Variants in KCNT2 observed in about 807,000 individuals in gnomAD.
KCNT2 encodes the protein potassium sodium-activated channel subfamily T member 2.
KCNT2 carries 67 observed loss-of-function variants against 153.8 expected under a neutral mutation model. The observed-to-expected ratio is 0.44, with a 90% CI of 0.36 to 0.53. The LOEUF (loss-of-function observed/expected upper bound fraction) is 0.53, where lower values mean the gene tolerates loss of function less well. KCNT2 is among the 20% of genes least tolerant of loss of function. The pLI, the probability that KCNT2 is intolerant of heterozygous loss-of-function variation, is 0.00. For missense variants in KCNT2, 975 were observed against 1,354.8 expected, an observed-to-expected ratio of 0.72 and a Z score of 4.40; for synonymous variants, 500 against 458.8, an observed-to-expected ratio of 1.09 and a Z score of -1.15.
chr1:196,345,133 G>A (rs1180252748), intron 14 of KCNT2, among the ~76,000 whole-genome samples: 3 of 152,026 alleles, frequency 2.0e-5, no homozygotes, highest in African/African-American at 7.2e-5. Flanking sequence ...TAACAAAAAA[G>A]GTAAAAATAT....
chr1:196,283,467 G>T (rs1267083046), intron 23 of KCNT2, among the ~76,000 whole-genome samples: 1 of 151,800 alleles, frequency 6.6e-6, no homozygotes, highest in Non-Finnish European at 1.5e-5. Context: ...TAAATAAAAT[G>T]AAATAAATAA....
chr1:196,241,784 A>C (rs545186310), intron 26 of KCNT2, among the ~76,000 whole-genome samples: 1 of 152,064 alleles, frequency 6.6e-6, no homozygotes, highest in Non-Finnish European at 1.5e-5. Flanking sequence ...ATTACTTGAT[A>C]CTCAATTTTC....
At chr1:196,293,623 C>T (rs1660399856) in intron 22 of KCNT2, among the ~76,000 whole-genome samples, 2 of 140,592 alleles carry the variant, frequency 1.4e-5, no homozygotes, top group Admixed American at 1.5e-4. Context: ...TGAAATTGGA[C>T]CTTATCTCAT....
At chr1:196,558,377 TAAC>T (rs1658952400) in intron 1 of KCNT2, among the ~76,000 whole-genome samples, 5 of 137,378 alleles carry the variant, frequency 3.6e-5, no homozygotes, top group African/African-American at 1.3e-4. Context: ...AAATCTAAAA[TAAC>T]GTGTGTGTGT....
chr1:196,561,039 G>A (rs4625226), intron 1 of KCNT2, among the ~76,000 whole-genome samples: 127,612 of 151,700 alleles, frequency 0.84, 57,827 homozygotes, highest in Non-Finnish European at 1. Flanking sequence ...GCTTAGTTTT[G>A]TATTATAAAA....
At chr1:196,373,395 C>A in intron 13 of KCNT2, 147 bp from the exon 14 acceptor site, 1 of 573,964 alleles carries the variant, frequency 1.7e-6, no homozygotes, top group East Asian at 3.0e-5. Context: ...AATTTTATCC[C>A]CAGGAAATAT....
intron 12 of KCNT2, among the ~76,000 whole-genome samples, chr1:196,419,280 C>T (rs1360385416): frequency 6.8e-6 from 1 of 147,532 alleles, no homozygotes; most frequent in Non-Finnish European, 1.5e-5. Context: ...CACCCATTAA[C>T]TCATCATTTA....
intron 26 of KCNT2, among the ~76,000 whole-genome samples, chr1:196,246,504 G>A (rs1345094436): frequency 6.6e-6 from 1 of 152,084 alleles, no homozygotes; most frequent in Non-Finnish European, 1.5e-5. Flanking sequence ...TAAATTACTT[G>A]TATTTTCAGT....
intron 1 of KCNT2, among the ~76,000 whole-genome samples, chr1:196,554,721 T>C (rs762649824): frequency 6.6e-6 from 1 of 151,186 alleles, no homozygotes; most frequent in Non-Finnish European, 1.5e-5. Flanking sequence ...TGATGAATAT[T>C]GATACAAAAA....
chr1:196,235,718 G>T (rs187609529), intron 27 of KCNT2, among the ~76,000 whole-genome samples: 1 of 151,180 alleles, frequency 6.6e-6, no homozygotes, highest in Admixed American at 6.6e-5. Context: ...ATTCTTCCAC[G>T]TCTTCACTTA....
At chr1:196,402,014 A>G (rs1041115691) in intron 12 of KCNT2, among the ~76,000 whole-genome samples, 2 of 151,682 alleles carry the variant, frequency 1.3e-5, no homozygotes, top group Admixed American at 1.3e-4. Flanking sequence ...AAAATTCTAA[A>G]GTTTAGAATG....
At chr1:196,276,494 C>A (rs555498245) in intron 25 of KCNT2, among the ~76,000 whole-genome samples, 4 of 152,096 alleles carry the variant, frequency 2.6e-5, no homozygotes, top group African/African-American at 9.6e-5. Flanking sequence ...AGCCTTCTGA[C>A]CTGCTCTAGG....
At chr1:196,478,293 C>T (rs1311336082) in intron 5 of KCNT2, among the ~76,000 whole-genome samples, 2 of 152,190 alleles carry the variant, frequency 1.3e-5, no homozygotes, top group East Asian at 3.9e-4. Context: ...ACATGAACTT[C>T]ACCATAATGT....
chr1:196,516,776 T>C (rs1222404931), intron 1 of KCNT2, among the ~76,000 whole-genome samples: 2 of 152,180 alleles, frequency 1.3e-5, no homozygotes, highest in Admixed American at 1.3e-4. Flanking sequence ...TCCAGAGAGA[T>C]CTGCAGGCTG....
At chr1:196,341,620 A>C (rs1025126902) in intron 15 of KCNT2, among the ~76,000 whole-genome samples, 2 of 152,016 alleles carry the variant, frequency 1.3e-5, no homozygotes, top group African/African-American at 2.4e-5. Context: ...GAAAAGAAAA[A>C]AAAAGTTCTA....
At chr1:196,257,539 G>A in intron 26 of KCNT2, 1 of 942,848 alleles carries the variant, frequency 1.1e-6, no homozygotes, top group Non-Finnish European at 1.3e-6. Flanking sequence ...TCTTTTTAAA[G>A]TAAAATTCAT....
intron 20 of KCNT2, chr1:196,317,407 C>G (rs1444697283): frequency 7.9e-6 from 2 of 253,774 alleles, no homozygotes; most frequent in Non-Finnish European, 1.6e-5. Flanking sequence ...GGAAATTTAT[C>G]ATAATTTTTC....
chr1:196,497,857 T>C (rs1170592480), intron 1 of KCNT2, among the ~76,000 whole-genome samples: 1 of 152,194 alleles, frequency 6.6e-6, no homozygotes, highest in African/African-American at 2.4e-5. Flanking sequence ...AATTTACTGT[T>C]GGATTCATTT....
At chr1:196,383,522 G>T (rs1219222515) in intron 13 of KCNT2, among the ~76,000 whole-genome samples, 1 of 152,134 alleles carries the variant, frequency 6.6e-6, no homozygotes, top group African/African-American at 2.4e-5. Flanking sequence ...TGATGAGGTG[G>T]AAGGAGAGTG....
Sources: gnomAD v4.1 joint callset for allele counts (sites outside exome capture counted in the v4.1 genomes callset) on GRCh38, gnomAD v4.1.1 for gene constraint, MANE v1.5 for transcripts, NCBI Gene and HGNC (gene_info 2026-07-23, HGNC 2026-07-21) for gene names.